Variants in FSTL1 observed in about 807,000 individuals in gnomAD.
FSTL1 encodes follistatin like 1.
FSTL1 carries 24 observed loss-of-function variants against 45.9 expected under a neutral mutation model. The observed-to-expected ratio is 0.52, with a 90% CI of 0.38 to 0.74. FSTL1 has a LOEUF of 0.74. Among genes scored for constraint, FSTL1 ranks in the 30% least tolerant of loss-of-function variants. FSTL1 has a pLI of 0.00. For synonymous variants in FSTL1, 120 were observed against 137.6 expected (o/e 0.87, Z 0.89); for missense variants, 340 against 381.8 (o/e 0.89, Z 0.91).
chr3:120,443,447 G>C (rs1210614410), intron 2 of FSTL1, among the ~76,000 whole-genome samples: 1 of 149,932 alleles, frequency 6.7e-6, no homozygotes, highest in Admixed American at 6.6e-5. Context: ...CACTTCTGTA[G>C]ATCCATAAAT....
At chr3:120,425,135 G>T (rs1300747397) in intron 2 of FSTL1, among the ~76,000 whole-genome samples, 1 of 152,126 alleles carries the variant, frequency 6.6e-6, no homozygotes, top group East Asian at 1.9e-4. Flanking sequence ...CATGGCCAGG[G>T]TATGGGGCTT....
chr3:120,426,736 C>T (rs1440537417), intron 2 of FSTL1, among the ~76,000 whole-genome samples: 4 of 152,190 alleles, frequency 2.6e-5, no homozygotes, highest in Admixed American at 1.3e-4. Context: ...GTTGGATGCC[C>T]GACACTGTCA....
At chr3:120,444,597 T>A (rs1457584705) in intron 2 of FSTL1, among the ~76,000 whole-genome samples, 1 of 149,814 alleles carries the variant, frequency 6.7e-6, no homozygotes, top group Non-Finnish European at 1.5e-5. Context: ...GATCCCCTCC[T>A]TTTTTCGAGA....
chr3:120,411,623 C>T (rs1346843301), intron 4 of FSTL1, among the ~76,000 whole-genome samples: 1 of 152,220 alleles, frequency 6.6e-6, no homozygotes, highest in East Asian at 1.9e-4. Context: ...GCTGAAAACC[C>T]CCATGGGGAT....
At chr3:120,404,786 G>A (rs1460810840) in intron 7 of FSTL1, 67 bp downstream of exon 7, 1 of 871,184 alleles carries the variant, frequency 1.1e-6, no homozygotes, top group Non-Finnish European at 2.0e-6. Flanking sequence ...GTGGGAAAGG[G>A]TTTAAGTCCC....
intron 2 of FSTL1, among the ~76,000 whole-genome samples, chr3:120,439,136 G>A (rs901194577): frequency 6.6e-6 from 1 of 152,146 alleles, no homozygotes; most frequent in Non-Finnish European, 1.5e-5. Context: ...GGGAGGAGGC[G>A]AGAGCAAGGC....
intron 2 of FSTL1, among the ~76,000 whole-genome samples, chr3:120,436,920 T>C (rs1453569867): frequency 2.0e-5 from 3 of 152,138 alleles, no homozygotes; most frequent in Non-Finnish European, 1.5e-5. Flanking sequence ...TTTTGTGAGC[T>C]CGGCTGGGCC....
intron 2 of FSTL1, among the ~76,000 whole-genome samples, chr3:120,429,297 C>A (rs533151850): frequency 6.6e-6 from 1 of 152,220 alleles, no homozygotes; most frequent in Non-Finnish European, 1.5e-5. Context: ...CTTTCTGGAG[C>A]TGAGTGAGGA....
At position 120,450,684 on chromosome 3, in the gene FSTL1, C is replaced by T. The variant is rs1937874586; in HGVS notation, c.63G>A (p.Glu21=). ...ALVAVAWVRA[E]EELRSKSKIC... ...TCGGACTCCTCGGCCCCTCGCCTAC[C>T]TCGGCGCGGACCCAGGCGACCGCCA... is the stretch of plus-strand genomic sequence containing the variant. Residue 21 remains glutamate (E), a splice_region_variant and synonymous_variant, in exon 2 of 11, where the codon GAG becomes GAA. Transcript: ENST00000295633. 6.4e-7 allele frequency: 1 copy of T among 1,561,796 alleles called. No individual in the cohort carries two copies. The highest frequency in any genetic ancestry group is 1.4e-5 in the African/African-American group (1 of 71,034).
chr3:120,412,028 G>GAC, intron 3 of FSTL1, 45 bp from the exon 4 acceptor site: 5 of 1,498,832 alleles, frequency 3.3e-6, no homozygotes, highest in African/African-American at 1.4e-5. Context: ...TATGGATATC[G>GAC]ACACACAGAC....
At chr3:120,437,560 G>A (rs1366512254) in intron 2 of FSTL1, among the ~76,000 whole-genome samples, 1 of 152,150 alleles carries the variant, frequency 6.6e-6, no homozygotes, top group Non-Finnish European at 1.5e-5. Flanking sequence ...ATTTAAGTCA[G>A]TGTCTATTTG....
At chr3:120,400,041 C>G in intron 9 of FSTL1, 82 bp from the exon 10 acceptor site, 1 of 869,276 alleles carries the variant, frequency 1.2e-6, no homozygotes, top group Non-Finnish European at 1.9e-6. Flanking sequence ...TAGAGGCTCT[C>G]AATTCATCTC....
intron 3 of FSTL1, among the ~76,000 whole-genome samples, chr3:120,414,122 G>A (rs1471749179): frequency 7.2e-5 from 11 of 151,996 alleles, no homozygotes; most frequent in African/African-American, 1.2e-4. Flanking sequence ...GCGTGATCTC[G>A]GCTCGCTACA....
Position 120,395,016 on chromosome 3 carries a change from T to A in FSTL1, c.*1936A>T, listed in dbSNP as rs1936667878. 1 of 152,628 alleles carries A rather than the reference T, an allele frequency of 6.6e-6. No homozygotes were observed. Among genetic ancestry groups the A allele is most frequent in the Non-Finnish European group, 1.5e-5 (1 of 68,402 alleles). The allele number at this position is 152,628 out of a possible 1,614,324, so 9.5% of individuals were successfully genotyped here. On this transcript the variant is annotated 3_prime_UTR_variant, in exon 11 of 11. Coordinates refer to ENST00000295633, the MANE Select transcript of FSTL1 (RefSeq NM_007085.5). ...AACCTTTGATTAAGGCGTGCTGCTGTGAGTTCTCCAAGGCACTTGGACAGG... is the reference window on the plus strand; with the variant it reads ...AACCTTTGATTAAGGCGTGCTGCTGAGAGTTCTCCAAGGCACTTGGACAGG...
intron 6 of FSTL1, among the ~76,000 whole-genome samples, chr3:120,407,822 C>G (rs757076082): frequency 6.6e-6 from 1 of 152,128 alleles, no homozygotes; most frequent in Admixed American, 6.5e-5. Flanking sequence ...TTCTTAGATG[C>G]CTGGTTGTGA....
chr3:120,417,714 C>T (rs1029420322), intron 2 of FSTL1, among the ~76,000 whole-genome samples: 2 of 152,120 alleles, frequency 1.3e-5, no homozygotes, highest in South Asian at 2.1e-4. Context: ...TTTTTGCTGA[C>T]GAGTTGTTCC....
rs1022020936 is a variant in FSTL1 at position 120,398,070 on chromosome 3, A to T, written c.883-1074T>A. Among the ~76,000 whole-genome samples the T allele has an allele frequency of 3.3e-5, 5 of 152,286 alleles. No individual in the cohort carries two copies. The East Asian group carries it at 9.7e-4, about 29-fold the overall frequency. On this transcript the variant is annotated intron_variant, in intron 10 of 10. Coordinates refer to ENST00000295633, the MANE Select transcript of FSTL1 (RefSeq NM_007085.5). The stretch of plus-strand genomic sequence containing the variant: ...CAAATTTATAGTTAGAAAGTAGATT[A>T]GTGGCTGCAAAGGGCTGGAGGAAGA...
chr3:120,412,838 G>GCACACACACACACACACA (rs71156798), intron 3 of FSTL1, among the ~76,000 whole-genome samples: 1 of 106,130 alleles, frequency 9.4e-6, no homozygotes, highest in East Asian at 3.0e-4. Flanking sequence ...GCGCGCGCGC[G>GCACACACACACACACACA]CACACACACA....
chr3:120,424,354 C>T (rs1183885541), intron 2 of FSTL1, among the ~76,000 whole-genome samples: 2 of 152,146 alleles, frequency 1.3e-5, no homozygotes, highest in East Asian at 1.9e-4. Context: ...GCTGCCCCCA[C>T]CACAGGAGTG....
Sources: allele counts gnomAD v4.1 joint callset (sites outside exome capture counted in the v4.1 genomes callset), GRCh38; gene constraint gnomAD v4.1.1; transcripts MANE v1.5; gene names NCBI Gene and HGNC (gene_info 2026-07-23, HGNC 2026-07-21).